The following C8orf34 variants were observed in gnomAD, a reference collection of about 807,000 sequenced individuals.
The protein encoded by C8orf34 is uncharacterized protein C8orf34.
In C8orf34, 65 loss-of-function variants were observed where a neutral mutation model predicts 68.3. The observed-to-expected ratio is 0.95, with a 90% CI of 0.78 to 1.17. The LOEUF (loss-of-function observed/expected upper bound fraction) is 1.17, where lower values mean the gene tolerates loss of function less well. C8orf34 is among the 50% of genes most tolerant of loss of function. C8orf34 has a pLI of 0.00. For missense variants in C8orf34, 664 were observed against 655.4 expected (o/e 1.01, Z -0.14); for synonymous variants, 244 against 241.2 (o/e 1.01, Z -0.11).
chr8:68,699,062 A>C (rs1490223351), intron 8 of C8orf34, among the ~76,000 whole-genome samples: 2 of 151,970 alleles, frequency 1.3e-5, no homozygotes, highest in African/African-American at 4.8e-5. Flanking sequence ...ACTTACTAGA[A>C]ACACAAATTC....
chr8:68,612,826 T>C (rs1818062998), intron 7 of C8orf34, among the ~76,000 whole-genome samples: 1 of 152,192 alleles, frequency 6.6e-6, no homozygotes, highest in Non-Finnish European at 1.5e-5. Context: ...GCTGACATGG[T>C]TCTTTTTGAG....
chr8:68,332,347 GTGCTCCCGCCT>G (rs1805652938), intron 1 of C8orf34, among the ~76,000 whole-genome samples: 2 of 73,096 alleles, frequency 2.7e-5, no homozygotes, highest in South Asian at 8.3e-4. Flanking sequence ...GAGGGTCGAG[GTGCTCCCGCCT>G]TGCCCCCGCC....
intron 12 of C8orf34, among the ~76,000 whole-genome samples, chr8:68,794,505 A>ATATATATATTTTTTTT (rs1313909362): frequency 1.6e-5 from 1 of 62,238 alleles, no homozygotes; most frequent in African/African-American, 1.2e-4. Flanking sequence ...ATATATATAT[A>ATATATATATTTTTTTT]TTTTTTTTTT....
At chr8:68,622,975 G>C (rs1818431715) in intron 7 of C8orf34, among the ~76,000 whole-genome samples, 1 of 152,238 alleles carries the variant, frequency 6.6e-6, no homozygotes, top group Non-Finnish European at 1.5e-5. Flanking sequence ...TAAAAGCAGA[G>C]ACCCTTGCGG....
At chr8:68,808,714 T>G (rs1432152094) in intron 12 of C8orf34, among the ~76,000 whole-genome samples, 1 of 152,060 alleles carries the variant, frequency 6.6e-6, no homozygotes, top group Non-Finnish European at 1.5e-5. Flanking sequence ...ACTTGAGCAT[T>G]TTTTATAAGG....
intron 1 of C8orf34, among the ~76,000 whole-genome samples, chr8:68,331,848 A>G (rs1805623930): frequency 9.3e-6 from 1 of 107,002 alleles, no homozygotes; most frequent in South Asian, 3.7e-4. Context: ...AAGGTGGAGG[A>G]GGTGCTTAGC....
chr8:68,560,879 G>A (rs1440232041), intron 7 of C8orf34, among the ~76,000 whole-genome samples: 1 of 151,802 alleles, frequency 6.6e-6, no homozygotes, highest in Non-Finnish European at 1.5e-5. Flanking sequence ...CTACATTTTG[G>A]CTACATTAGA....
chr8:68,768,383 T>C (rs1041320624), intron 10 of C8orf34, among the ~76,000 whole-genome samples: 2 of 152,220 alleles, frequency 1.3e-5, no homozygotes, highest in African/African-American at 4.8e-5. Flanking sequence ...ACAAGTCTGG[T>C]CCCCAGGGCT....
At chr8:68,753,158 G>A (rs1563649420) in intron 10 of C8orf34, among the ~76,000 whole-genome samples, 1 of 152,148 alleles carries the variant, frequency 6.6e-6, no homozygotes, top group Admixed American at 6.5e-5. Flanking sequence ...TTGAAAACAT[G>A]TTCTCGTAGA....
chr8:68,477,692 A>C (rs1850385), intron 4 of C8orf34, among the ~76,000 whole-genome samples: 92,057 of 152,130 alleles, frequency 0.61, 28,468 homozygotes, highest in East Asian at 0.89. Flanking sequence ...TGAGGGCTCC[A>C]CCCGTGTAGC....
intron 7 of C8orf34, among the ~76,000 whole-genome samples, chr8:68,626,685 A>G (rs1019442500): frequency 1.3e-5 from 2 of 152,224 alleles, no homozygotes; most frequent in Non-Finnish European, 2.9e-5. Context: ...ACACATTAAT[A>G]AAGTACACAT....
At chr8:68,616,875 G>T (rs1325641690) in intron 7 of C8orf34, among the ~76,000 whole-genome samples, 1 of 152,152 alleles carries the variant, frequency 6.6e-6, no homozygotes. Flanking sequence ...TCTGTCTAAT[G>T]TTGACAGTGG....
intron 7 of C8orf34, among the ~76,000 whole-genome samples, chr8:68,563,166 T>C (rs9693077): frequency 0.22 from 32,901 of 151,938 alleles, 4,681 homozygotes; most frequent in African/African-American, 0.41. Context: ...TCAGAGAAAT[T>C]GCTTAACCTG....
chr8:68,596,093 C>T (rs939531713), intron 7 of C8orf34, among the ~76,000 whole-genome samples: 1 of 152,034 alleles, frequency 6.6e-6, no homozygotes, highest in Non-Finnish European at 1.5e-5. Context: ...TTTTATTGTA[C>T]TTTTGCCCCT....
Position 68,419,982 on chromosome 8 carries a change from A to T in C8orf34, c.328-19517A>T, listed in dbSNP as rs12547468. On this transcript the variant is annotated intron_variant, in intron 1 of 13. Coordinates refer to ENST00000518698, the MANE Select transcript of C8orf34 (RefSeq NM_052958.4). ...ACCCTAAAACTTAAAGTATAATAAT[A>T]AAAAAAAAAAAGAAAAAAGACAAAA... is the stretch of plus-strand genomic sequence containing the variant. Among the ~76,000 whole-genome samples the T allele has an allele frequency of 4.1e-3, 565 of 138,754 alleles. 8 individuals are homozygous for T. Among genetic ancestry groups the T allele is most frequent in the Admixed American group, 0.022 (303 of 14,076 alleles). 91.0% of individuals were successfully genotyped at this position (138,754 alleles called of 152,430 possible). A position where few individuals can be genotyped will look rare whatever the true frequency, so the allele number is the denominator to read the frequency against.
At chr8:68,579,709 C>T (rs1338469710) in intron 7 of C8orf34, among the ~76,000 whole-genome samples, 4 of 152,196 alleles carry the variant, frequency 2.6e-5, no homozygotes, top group African/African-American at 9.7e-5. Flanking sequence ...GGTCCAAAGG[C>T]TATGCCTAGC....
chr8:68,330,793 G>A (rs906823881), upstream of C8orf34: 2 of 426,306 alleles, frequency 4.7e-6, no homozygotes, highest in Non-Finnish European at 8.1e-6. Context: ...GCGCGCGCAC[G>A]GACACACACA....
At chr8:68,486,264 A>G (rs73264478) in intron 4 of C8orf34, among the ~76,000 whole-genome samples, 1 of 152,142 alleles carries the variant, frequency 6.6e-6, no homozygotes, top group African/African-American at 2.4e-5. Flanking sequence ...GTGCTGTCAT[A>G]TCTGAGTTCT....
intron 1 of C8orf34, among the ~76,000 whole-genome samples, chr8:68,351,523 G>C (rs1806513024): frequency 6.6e-6 from 1 of 152,020 alleles, no homozygotes; most frequent in African/African-American, 2.4e-5. Context: ...AGTTGTGGAA[G>C]TTTTCATGAA....
Sources: allele counts gnomAD v4.1 joint callset (sites outside exome capture counted in the v4.1 genomes callset), GRCh38; gene constraint gnomAD v4.1.1; transcripts MANE v1.5; gene names NCBI Gene and HGNC (gene_info 2026-07-23, HGNC 2026-07-21).